The following INVS variants were observed in gnomAD, a reference collection of about 807,000 sequenced individuals.
The protein encoded by INVS is inversin, also known as inversion of embryo turning homolog.
A neutral mutation model predicts 108.8 loss-of-function variants in INVS; 86 were observed. The observed-to-expected ratio is 0.79, with a 90% CI of 0.66 to 0.95. The LOEUF (loss-of-function observed/expected upper bound fraction) is 0.95, where lower values mean the gene tolerates loss of function less well. INVS is among the 40% of genes least tolerant of loss of function. The pLI is 0.00. For missense variants in INVS, 1,169 were observed against 1,297.4 expected (o/e 0.90, Z 1.52); for synonymous variants, 455 against 473.5 (o/e 0.96, Z 0.51).
intron 2 of INVS, among the ~76,000 whole-genome samples, chr9:100,109,286 A>T (rs1466879277): frequency 6.6e-6 from 1 of 152,230 alleles, no homozygotes; most frequent in East Asian, 1.9e-4. Flanking sequence ...TGTGAGAGTT[A>T]AATGAAATAA....
At chr9:100,143,908 G>A (rs375050112) in intron 3 of INVS, among the ~76,000 whole-genome samples, 26 of 152,230 alleles carry the variant, frequency 1.7e-4, no homozygotes, top group Admixed American at 7.2e-4. Context: ...GAAGCTCGGC[G>A]TCCGTGATGG....
chr9:100,151,106 G>A (rs1405265677), intron 3 of INVS, among the ~76,000 whole-genome samples: 1 of 152,166 alleles, frequency 6.6e-6, no homozygotes, highest in Admixed American at 6.5e-5. Context: ...CCTGAGGGAA[G>A]AGCATTCATT....
Position 100,260,165 on chromosome 9 carries a change from C to T in INVS, c.1465-4657C>T, listed in dbSNP as rs547656395. ...GATTACAGATGTGAGCCACCATGTCCGACCTATTACATTTTCTTTTCTTTT... is the reference window on the plus strand; with the variant it reads ...GATTACAGATGTGAGCCACCATGTCTGACCTATTACATTTTCTTTTCTTTT... On this transcript the variant is annotated intron_variant, in intron 10 of 16. Transcript: ENST00000262457. 1.5e-4 allele frequency among the ~76,000 whole-genome samples: 22 copies of T among 146,350 alleles called. No individual in the cohort carries two copies. In the East Asian group the frequency reaches 2.7e-3, roughly 18 times the overall value.
chr9:100,161,307 C>T (rs1299502392), intron 3 of INVS, among the ~76,000 whole-genome samples: 2 of 133,526 alleles, frequency 1.5e-5, no homozygotes, highest in East Asian at 2.2e-4. Flanking sequence ...ACTCAGGAGA[C>T]GAGATCGCAC....
At chr9:100,215,585 A>G (rs1478655515) in intron 3 of INVS, 1 of 152,232 alleles carries the variant, frequency 6.6e-6, no homozygotes, top group African/African-American at 2.4e-5. Context: ...GGTAGGAAGC[A>G]TGGAATGTCC....
intron 5 of INVS, among the ~76,000 whole-genome samples, chr9:100,237,988 C>T (rs1831743868): frequency 6.6e-6 from 1 of 152,132 alleles, no homozygotes; most frequent in Non-Finnish European, 1.5e-5. Flanking sequence ...AAGTGATTCT[C>T]CTGCTTCATC....
Position 100,110,016 on chromosome 9 carries a change from G to A in INVS, c.106+5389G>A, listed in dbSNP as rs1199687992. On this transcript the variant is annotated intron_variant, in intron 2 of 16. Coordinates refer to ENST00000262457, the MANE Select transcript of INVS (RefSeq NM_014425.5). The stretch of plus-strand genomic sequence containing the variant: ...ACACAGTATTTAGATACGGAAGTGA[G>A]CCTCATAAATGACAGAGTAGAGGTA... Among the ~76,000 whole-genome samples the A allele has an allele frequency of 4.6e-5, 7 of 152,206 alleles. No individual in the cohort carries two copies. In the East Asian group the frequency reaches 1.3e-3, roughly 29 times the overall value.
At chr9:100,186,847 C>A (rs886296578) in intron 3 of INVS, among the ~76,000 whole-genome samples, 1 of 152,018 alleles carries the variant, frequency 6.6e-6, no homozygotes, top group East Asian at 1.9e-4. Context: ...TTTCACTGAG[C>A]AGAAGCTTTT....
intron 3 of INVS, among the ~76,000 whole-genome samples, chr9:100,150,519 T>C (rs1828774134): frequency 6.6e-6 from 1 of 152,232 alleles, no homozygotes; most frequent in Non-Finnish European, 1.5e-5. Flanking sequence ...AATATTTTTA[T>C]GGCTGGTAAA....
chr9:100,157,045 C>T (rs189483060), intron 3 of INVS, among the ~76,000 whole-genome samples: 1 of 150,748 alleles, frequency 6.6e-6, no homozygotes, highest in South Asian at 2.1e-4. Context: ...ATTTTTCATA[C>T]AGTGGAATAC....
intron 2 of INVS, among the ~76,000 whole-genome samples, chr9:100,120,004 T>G (rs1055180389): frequency 6.6e-6 from 1 of 152,240 alleles, no homozygotes; most frequent in African/African-American, 2.4e-5. Flanking sequence ...AAAATCTAAT[T>G]AGTTATGCTC....
At chr9:100,122,604 GAC>G (rs1827758806) in intron 2 of INVS, among the ~76,000 whole-genome samples, 1 of 44,042 alleles carries the variant, frequency 2.3e-5, no homozygotes, top group South Asian at 6.4e-4. Flanking sequence ...TTTTTTTTGA[GAC>G]AGAGTCTCGC....
chr9:100,139,640 T>G (rs1300912971), intron 3 of INVS, among the ~76,000 whole-genome samples: 4 of 152,166 alleles, frequency 2.6e-5, no homozygotes, highest in Non-Finnish European at 4.4e-5. Flanking sequence ...TAGCATAAAA[T>G]TAACCCTTTT....
rs1424695081 is a variant in INVS at position 100,264,911 on chromosome 9, G to A, written c.1554G>A (p.Met518Ile). The A allele has an allele frequency of 6.2e-7, 1 of 1,608,374 alleles. No homozygotes were observed. Among genetic ancestry groups the A allele is most frequent in the East Asian group, 2.2e-5 (1 of 44,844 alleles). Residue 518 changes from methionine to isoleucine, a missense_variant, in exon 11 of 17, where the codon ATG becomes ATA. Physicochemically the swap from Met to Ile is conservative, Grantham distance 10. This residue lies in a region of INVS where 271 missense variants were observed against 363.8 expected (regional missense o/e 0.74). Transcript: ENST00000262457. ...ACTTTGCTGCTTTCCCTAATCAGAT[G>A]GAAAACAATGAAGAGAGGTAAGTTG... ...LLDFAAFPNQ[M>I]ENNEERYTPL...
At chr9:100,220,865 A>G (rs1035356439) in intron 3 of INVS, among the ~76,000 whole-genome samples, 4 of 151,868 alleles carry the variant, frequency 2.6e-5, no homozygotes, top group African/African-American at 9.7e-5. Flanking sequence ...AATCTCAGCT[A>G]TTCAGGAAGC....
intron 3 of INVS, among the ~76,000 whole-genome samples, chr9:100,152,685 T>C (rs1828844715): frequency 6.6e-6 from 1 of 152,186 alleles, no homozygotes; most frequent in Non-Finnish European, 1.5e-5. Context: ...TCAAAGTATT[T>C]TAAATTCAAC....
chr9:100,261,510 G>A (rs573236932), intron 10 of INVS, among the ~76,000 whole-genome samples: 48 of 152,028 alleles, frequency 3.2e-4, no homozygotes, highest in African/African-American at 1.1e-3. Context: ...CTTGTGATCC[G>A]CCTGCCTTAG....
At chr9:100,129,470 G>A (rs1418962606) in intron 3 of INVS, among the ~76,000 whole-genome samples, 1 of 151,866 alleles carries the variant, frequency 6.6e-6, no homozygotes, top group Non-Finnish European at 1.5e-5. Flanking sequence ...TTCAGCCTGG[G>A]GGACTGGAGT....
At chr9:100,152,595 G>A (rs952676055) in intron 3 of INVS, among the ~76,000 whole-genome samples, 1 of 152,102 alleles carries the variant, frequency 6.6e-6, no homozygotes, top group Non-Finnish European at 1.5e-5. Context: ...TGATGGGTAT[G>A]TCATTCATTT....
Sources: gnomAD v4.1 joint callset for allele counts (sites outside exome capture counted in the v4.1 genomes callset) on GRCh38, gnomAD v4.1.1 for gene constraint, gnomAD v4.1.1 regional missense constraint, MANE v1.5 for transcripts, NCBI Gene and HGNC (gene_info 2026-07-23, HGNC 2026-07-21) for gene names.